Variants in ZFHX4 observed in about 807,000 individuals in gnomAD.
ZFHX4 encodes the protein zinc finger homeobox 4.
ZFHX4 carries 56 observed loss-of-function variants against 267.6 expected under a neutral mutation model. The ratio of observed to expected loss-of-function variants is 0.21; its 90% CI spans 0.17 to 0.26. The LOEUF (loss-of-function observed/expected upper bound fraction) is 0.26, where lower values mean the gene tolerates loss of function less well. Among genes scored for constraint, ZFHX4 ranks in the 10% least tolerant of loss-of-function variants. The pLI, the probability that ZFHX4 is intolerant of heterozygous loss-of-function variation, is 1.00. For synonymous variants in ZFHX4, 1,778 were observed against 1,665.6 expected (o/e 1.07, Z -1.64); for missense variants, 4,332 against 4,420.0 (o/e 0.98, Z 0.56).
Position 76,863,538 on chromosome 8 carries a change from C to T in ZFHX4, c.9824C>T (p.Thr3275Ile), listed in dbSNP as rs772186917. ...YFIPGFASYF[T>I]PQLPGTVQGG... ...ATCCCTGGGTTTGCTTCTTATTTTACACCTCAGCTCCCTGGAACAGTGCAG... is the reference window on the plus strand; with the variant it reads ...ATCCCTGGGTTTGCTTCTTATTTTATACCTCAGCTCCCTGGAACAGTGCAG... The change falls in exon 11 of 11, where the codon ACA (threonine) becomes ATA (isoleucine). Residue 3275 changes from threonine to isoleucine, a missense_variant. This residue lies in a region of ZFHX4 where 1,648 missense variants were observed against 1,625.0 expected (regional missense o/e 1.01). Coordinates refer to ENST00000651372, the MANE Select transcript of ZFHX4 (RefSeq NM_024721.5). 2 of 1,613,548 alleles carry T rather than the reference C, an allele frequency of 1.2e-6. No individual in the cohort carries two copies. The highest frequency in any genetic ancestry group is 1.1e-5 in the South Asian group (1 of 90,986).
In ZFHX4 at chr8:76,852,778, A is replaced by G; in HGVS notation, c.5857A>G (p.Lys1953Glu). 1 of 1,613,608 alleles carries G rather than the reference A, an allele frequency of 6.2e-7. No individual in the cohort carries two copies. The highest frequency in any genetic ancestry group is 8.5e-7 in the Non-Finnish European group (1 of 1,179,694). The change falls in exon 10 of 11, where the codon AAA becomes GAA. Residue 1953 changes from lysine (K) to glutamate (E), a missense_variant. Physicochemically the swap from Lys to Glu is moderately conservative, Grantham distance 56. This residue lies in a region of ZFHX4 where 1,371 missense variants were observed against 1,423.1 expected (regional missense o/e 0.96). Transcript: ENST00000651372. ...TDKLECGTCG[K>E]LFSNVLILKS... Reference sequence around the variant, plus strand: ...CAAACTAGAATGTGGAACATGTGGTAAATTGTTTTCCAATGTTCTTATTTT... The same window carrying G: ...CAAACTAGAATGTGGAACATGTGGTGAATTGTTTTCCAATGTTCTTATTTT...
chr8:76,829,149 C>T (rs546114288), intron 4 of ZFHX4, among the ~76,000 whole-genome samples: 65 of 151,808 alleles, frequency 4.3e-4, no homozygotes, highest in African/African-American at 1.5e-3. Flanking sequence ...AAATTTATTC[C>T]GATATCTGAA....
intron 3 of ZFHX4, among the ~76,000 whole-genome samples, chr8:76,716,582 A>G (rs1808581806): frequency 6.6e-6 from 1 of 152,086 alleles, no homozygotes; most frequent in Non-Finnish European, 1.5e-5. Flanking sequence ...GAAGACTTCT[A>G]TATTTGAGGA....
In ZFHX4 at chr8:76,866,799, AAAAAAAAAAG is replaced by A. The variant is rs981599298; in HGVS notation, c.*2243_*2252del. On this transcript the variant is annotated 3_prime_UTR_variant, in exon 11 of 11. Transcript: ENST00000651372. The stretch of plus-strand genomic sequence containing the variant: ...ACAACTGCACAGCAGCCAAAAAAAG[AAAAAAAAAAG>A]AAAAAAAACTTTAACTGGATGGACG... 2.9e-4 allele frequency: 14 copies of A among 48,726 alleles called. No homozygotes were observed. Among genetic ancestry groups the A allele is most frequent in the East Asian group, 1.6e-3 (1 of 608 alleles). The allele number at this position is 48,726 out of a possible 1,614,324, so 3.0% of individuals were successfully genotyped here.
intron 3 of ZFHX4, among the ~76,000 whole-genome samples, chr8:76,726,026 T>A (rs1275708882): frequency 1.3e-5 from 2 of 152,182 alleles, no homozygotes; most frequent in African/African-American, 4.8e-5. Context: ...TAATGCTACA[T>A]ACCCTGTAAA....
chr8:76,786,591 A>G (rs1040643113), intron 4 of ZFHX4, among the ~76,000 whole-genome samples: 13 of 152,064 alleles, frequency 8.5e-5, no homozygotes, highest in Non-Finnish European at 1.9e-4. Context: ...TATAGTGTGT[A>G]CCAAGTTTTG....
chr8:76,861,800 A>G (rs1812875303), intron 10 of ZFHX4, among the ~76,000 whole-genome samples: 1 of 151,214 alleles, frequency 6.6e-6, no homozygotes, highest in Non-Finnish European at 1.5e-5. Context: ...TGCATTTAGC[A>G]TGGAGGTAAG....
At chr8:76,830,062 G>A (rs1427446559) in intron 4 of ZFHX4, among the ~76,000 whole-genome samples, 1 of 152,106 alleles carries the variant, frequency 6.6e-6, no homozygotes, top group African/African-American at 2.4e-5. Context: ...AAATAAAACT[G>A]TGTGGGTTCA....
intron 3 of ZFHX4, among the ~76,000 whole-genome samples, chr8:76,764,688 C>T (rs184439151): frequency 2.6e-5 from 4 of 152,248 alleles, no homozygotes; most frequent in East Asian, 1.9e-4. Context: ...TGTCCAATTC[C>T]GTACATTTTC....
At chr8:76,714,648 G>A (rs1040374625) in intron 3 of ZFHX4, among the ~76,000 whole-genome samples, 1 of 152,150 alleles carries the variant, frequency 6.6e-6, no homozygotes, top group East Asian at 1.9e-4. Flanking sequence ...ATACACAGAC[G>A]ATATCTCAAT....
intron 3 of ZFHX4, among the ~76,000 whole-genome samples, chr8:76,773,538 C>T (rs1414364059): frequency 6.6e-6 from 1 of 152,076 alleles, no homozygotes; most frequent in African/African-American, 2.4e-5. Context: ...ACAGAGTCCC[C>T]ATCCTCCTGA....
At chr8:76,774,816 A>T (rs1810363061) in intron 3 of ZFHX4, among the ~76,000 whole-genome samples, 1 of 152,144 alleles carries the variant, frequency 6.6e-6, no homozygotes, top group African/African-American at 2.4e-5. Flanking sequence ...TGCTTAATAT[A>T]CTTGGTCCAA....
At chr8:76,781,411 T>C (rs555236067) in intron 4 of ZFHX4, among the ~76,000 whole-genome samples, 108 of 152,170 alleles carry the variant, frequency 7.1e-4, no homozygotes, top group Non-Finnish European at 1.2e-3. Context: ...TTAAAGACAG[T>C]TTTTAAAATA....
At chr8:76,801,907 G>T (rs1477795192) in intron 4 of ZFHX4, among the ~76,000 whole-genome samples, 1 of 152,126 alleles carries the variant, frequency 6.6e-6, no homozygotes, top group African/African-American at 2.4e-5. Flanking sequence ...ATACTCCTTT[G>T]TTCTTGTGCA....
intron 4 of ZFHX4, among the ~76,000 whole-genome samples, chr8:76,822,450 C>CTGTTTTTT (rs1418711368): frequency 7.3e-6 from 1 of 137,416 alleles, no homozygotes; most frequent in East Asian, 2.3e-4. Context: ...CTGTGTCTAC[C>CTGTTTTTT]TCTTTTTTTT....
In ZFHX4 at chr8:76,863,407, A is replaced by T. The variant is rs745464793; in HGVS notation, c.9693A>T (p.Lys3231Asn). 1.9e-6 allele frequency: 3 copies of T among 1,613,990 alleles called. No individual in the cohort carries two copies. Among genetic ancestry groups the T allele is most frequent in the Admixed American group, 3.3e-5 (2 of 60,024 alleles). The change falls in exon 11 of 11, where the codon AAA (lysine) becomes AAT (asparagine). Residue 3231 changes from lysine to asparagine, a missense_variant. By Grantham distance (94) the Lys-to-Asn change is moderately conservative (BLOSUM62 0). This residue lies in a region of ZFHX4 where 1,648 missense variants were observed against 1,625.0 expected (regional missense o/e 1.01). Coordinates refer to ENST00000651372, the MANE Select transcript of ZFHX4 (RefSeq NM_024721.5). The part of the protein sequence containing the change: ...KISSALSVLG[K>N]VVGETHVDPI... ...CATCTGCTCTTTCAGTGTTGGGCAA[A>T]GTTGTAGGTGAAACACATGTCGATC...
At chr8:76,842,386 C>T (rs982019656) in intron 5 of ZFHX4, among the ~76,000 whole-genome samples, 1 of 152,098 alleles carries the variant, frequency 6.6e-6, no homozygotes, top group African/African-American at 2.4e-5. Flanking sequence ...TATGTTTCAG[C>T]TTAAACTGTA....
At chr8:76,843,326 T>C (rs1371767476) in intron 6 of ZFHX4, among the ~76,000 whole-genome samples, 1 of 152,184 alleles carries the variant, frequency 6.6e-6, no homozygotes, top group African/African-American at 2.4e-5. Context: ...AGTTTACAGA[T>C]GATTCAGCCT....
intron 4 of ZFHX4, among the ~76,000 whole-genome samples, chr8:76,804,728 T>G (rs1293399340): frequency 1.1e-5 from 1 of 94,406 alleles, no homozygotes; most frequent in Non-Finnish European, 2.1e-5. Context: ...TGGGGTTACC[T>G]TTAAATATTT....
Sources: allele counts gnomAD v4.1 joint callset (sites outside exome capture counted in the v4.1 genomes callset), GRCh38; gene constraint gnomAD v4.1.1; regional missense constraint gnomAD v4.1.1; transcripts MANE v1.5; gene names NCBI Gene and HGNC (gene_info 2026-07-23, HGNC 2026-07-21).